TMC1: variants seen among roughly 807,000 people sequenced by gnomAD.
The protein encoded by TMC1 is transmembrane channel like 1.
Under a neutral mutation model 105.8 loss-of-function variants are expected in TMC1, and 84 were observed. The ratio of observed to expected loss-of-function variants is 0.79; its 90% confidence interval spans 0.67 to 0.95. The LOEUF is 0.95. Among genes scored for constraint, TMC1 ranks in the 40% least tolerant of loss-of-function variants. The pLI is 0.00. For synonymous variants in TMC1, 315 were observed against 311.5 expected, an observed-to-expected ratio of 1.01 and a Z score of -0.12; for missense variants, 817 against 914.1, an observed-to-expected ratio of 0.89 and a Z score of 1.37.
At position 72,836,962 on chromosome 9, in the gene TMC1, TG is replaced by T. The variant is rs1237291227; in HGVS notation, c.*991del. The T allele has an allele frequency of 1.3e-5, 2 of 152,190 alleles. No homozygotes were observed. Among genetic ancestry groups the T allele is most frequent in the African/African-American group, 4.8e-5 (2 of 41,438 alleles). The allele number at this position is 152,190 out of a possible 1,614,324, so 9.4% of individuals were successfully genotyped here. A position where few individuals can be genotyped will look rare whatever the true frequency, so the allele number is the denominator to read the frequency against. ...GGAACAAAAGGAAATAAAATATACTTGGAAGAGAGCCAAGTGGGCAAATTGA... is the reference window on the plus strand; with the variant it reads ...GGAACAAAAGGAAATAAAATATACTTGAAGAGAGCCAAGTGGGCAAATTGA... On this transcript the variant is annotated 3_prime_UTR_variant, in exon 24 of 24. Coordinates refer to ENST00000297784, the MANE Select transcript of TMC1 (RefSeq NM_138691.3).
At chr9:72,671,352 A>T (rs529586078) in intron 5 of TMC1, among the ~76,000 whole-genome samples, 1 of 152,348 alleles carries the variant, frequency 6.6e-6, no homozygotes, top group African/African-American at 2.4e-5. Context: ...GAGAAGTGCC[A>T]GGGAAGAACA....
intron 5 of TMC1, among the ~76,000 whole-genome samples, chr9:72,675,252 T>C (rs971258191): frequency 9.2e-5 from 14 of 152,140 alleles, no homozygotes; most frequent in African/African-American, 3.4e-4. Context: ...AACTCATTTC[T>C]TGGGGAACAC....
intron 2 of TMC1, among the ~76,000 whole-genome samples, chr9:72,612,517 T>C (rs1825048893): frequency 6.6e-6 from 1 of 152,016 alleles, no homozygotes; most frequent in African/African-American, 2.4e-5. Flanking sequence ...GTAAATATTT[T>C]TGATCTGTGA....
At chr9:72,700,019 C>T (rs1211715734) in intron 7 of TMC1, among the ~76,000 whole-genome samples, 2 of 147,878 alleles carry the variant, frequency 1.4e-5, no homozygotes, top group African/African-American at 5.0e-5. Flanking sequence ...TTTGGGAGGC[C>T]GAGGTGGGCA....
intron 1 of TMC1, among the ~76,000 whole-genome samples, chr9:72,567,750 C>T (rs1254897662): frequency 6.6e-6 from 1 of 152,094 alleles, no homozygotes; most frequent in African/African-American, 2.4e-5. Flanking sequence ...GGATACAGAG[C>T]CAAACCATAT....
intron 2 of TMC1, among the ~76,000 whole-genome samples, chr9:72,615,994 G>A (rs12337575): frequency 2.6e-5 from 4 of 151,780 alleles, no homozygotes; most frequent in East Asian, 1.9e-4. Context: ...GTGATTCCTC[G>A]GCCCTAGCCT....
intron 5 of TMC1, among the ~76,000 whole-genome samples, chr9:72,650,913 G>GAT (rs1241519802): frequency 0.01 from 1,227 of 117,620 alleles, 13 homozygotes; most frequent in Non-Finnish European, 0.017. Context: ...AATATATATA[G>GAT]ATATATATAT....
intron 18 of TMC1, among the ~76,000 whole-genome samples, chr9:72,813,325 T>G (rs1434781127): frequency 2.0e-5 from 3 of 152,212 alleles, no homozygotes; most frequent in Non-Finnish European, 4.4e-5. Flanking sequence ...CACTGACTTT[T>G]ATACTACATA....
chr9:72,683,733 TTATATATATATATATATATATATATA>T (rs58007608), intron 5 of TMC1, among the ~76,000 whole-genome samples: 6 of 53,406 alleles, frequency 1.1e-4, no homozygotes, highest in East Asian at 1.4e-3. Flanking sequence ...GTTACACATT[TTATATATATATATATATATATATATA>T]TATATATATA....
At position 72,805,373 on chromosome 9, in the gene TMC1, T is replaced by C; in HGVS notation, c.1567-9T>C. 1 of 1,613,468 alleles carries C rather than the reference T, an allele frequency of 6.2e-7. No homozygotes were observed. Among genetic ancestry groups the C allele is most frequent in the South Asian group, 1.1e-5 (1 of 91,076 alleles). On this transcript the variant is annotated splice_polypyrimidine_tract_variant and intron_variant, in intron 17 of 23. Coordinates refer to ENST00000297784, the MANE Select transcript of TMC1 (RefSeq NM_138691.3). ...ACTGTGTGTTTTAATAGAGATAATATCTCAACAGGAGTTTGTGAGGCTGAC... is the reference window on the plus strand; with the variant it reads ...ACTGTGTGTTTTAATAGAGATAATACCTCAACAGGAGTTTGTGAGGCTGAC...
At chr9:72,535,210 T>C (rs1823561089) in intron 1 of TMC1, among the ~76,000 whole-genome samples, 1 of 152,198 alleles carries the variant, frequency 6.6e-6, no homozygotes, top group Non-Finnish European at 1.5e-5. Context: ...GACTCATCTT[T>C]TCAGCATTTT....
chr9:72,835,860 C>G (rs1455610220), intron 23 of TMC1, 91 bp from the exon 24 acceptor site: 2 of 1,465,494 alleles, frequency 1.4e-6, no homozygotes, highest in African/African-American at 2.8e-5. Context: ...CCATTAAGCA[C>G]ACTGAAAGCT....
In TMC1 at chr9:72,774,553, C is replaced by T. The variant is rs558220186; in HGVS notation, c.884+1998C>T. On this transcript the variant is annotated intron_variant, in intron 13 of 23. Transcript: ENST00000297784. ...AAGTAGTGGCTTTTTCAAAGTTGCT[C>T]GAAGATGCCATTTGGGATAGCTGCA... Among the ~76,000 whole-genome samples, 12 of 152,114 alleles carry T rather than the reference C, an allele frequency of 7.9e-5. No homozygotes were observed. In the South Asian group the frequency reaches 2.3e-3, roughly 29 times the overall value.
intron 1 of TMC1, among the ~76,000 whole-genome samples, chr9:72,540,009 G>A (rs190903799): frequency 2.0e-5 from 3 of 152,280 alleles, no homozygotes; most frequent in East Asian, 1.9e-4. Flanking sequence ...GAGGAAGAGC[G>A]TGAGAGGAGG....
chr9:72,744,485 A>G (rs1827454102), intron 10 of TMC1, among the ~76,000 whole-genome samples: 1 of 152,180 alleles, frequency 6.6e-6, no homozygotes, highest in African/African-American at 2.4e-5. Flanking sequence ...TACAGCTCAA[A>G]TGTGGTAGGT....
At chr9:72,660,254 A>G (rs1362697650) in intron 5 of TMC1, among the ~76,000 whole-genome samples, 1 of 152,150 alleles carries the variant, frequency 6.6e-6, no homozygotes, top group Non-Finnish European at 1.5e-5. Flanking sequence ...ATTGTATGCA[A>G]GTTAAATTTG....
chr9:72,758,274 A>G (rs549671305), intron 12 of TMC1, among the ~76,000 whole-genome samples: 5 of 152,312 alleles, frequency 3.3e-5, no homozygotes, highest in African/African-American at 1.2e-4. Context: ...CCATCCTACA[A>G]TAAGCTAATA....
chr9:72,544,755 C>T lies in TMC1; in HGVS notation c.-428+22842C>T, dbSNP rs564623330. Among the ~76,000 whole-genome samples the T allele has an allele frequency of 3.3e-5, 5 of 150,978 alleles. No individual in the cohort carries two copies. The South Asian group carries it at 1.1e-3, about 32-fold the overall frequency. ...TCGGCCTCCCAAAGTGCTGGGATTA[C>T]AGGCATGAGCCAGCGCTCCCAGCCT... On this transcript the variant is annotated intron_variant, in intron 1 of 23. Transcript: ENST00000297784.
chr9:72,532,341 G>T (rs920102045), intron 1 of TMC1, among the ~76,000 whole-genome samples: 7 of 151,672 alleles, frequency 4.6e-5, no homozygotes, highest in African/African-American at 1.7e-4. Context: ...AGGAGTTCGA[G>T]ACCAGCCTGA....
Sources: gnomAD v4.1 joint callset for allele counts (sites outside exome capture counted in the v4.1 genomes callset) on GRCh38, gnomAD v4.1.1 for gene constraint, MANE v1.5 for transcripts, NCBI Gene and HGNC (gene_info 2026-07-23, HGNC 2026-07-21) for gene names.